Variants in PRR7 observed in about 807,000 individuals in gnomAD.
PRR7 encodes proline rich 7, synaptic.
Under a neutral mutation model 18.5 loss-of-function variants are expected in PRR7, and 8 were observed. That is an observed-to-expected ratio of 0.43 (90% CI 0.25 to 0.78). The LOEUF is 0.78. Among genes scored for constraint, PRR7 ranks in the 30% least tolerant of loss-of-function variants. The pLI is 0.22. For synonymous variants in PRR7, 221 were observed against 187.7 expected, an observed-to-expected ratio of 1.18 and a Z score of -1.45; for missense variants, 396 against 403.1, an observed-to-expected ratio of 0.98 and a Z score of 0.15.
Position 177,455,138 on chromosome 5 carries a change from T to A in PRR7, c.71T>A (p.Ile24Asn), listed in dbSNP as rs768392755. 1.9e-6 allele frequency: 3 copies of A among 1,551,444 alleles called. No individual in the cohort carries two copies. In the African/African-American group the frequency reaches 4.3e-5, roughly 22 times the overall value. ...GGCTTCTGGCTCATCTGGGGTCTCA[T>A]CGTCCTGCTCTGCTGCTTCTGCAGC... ...FAGFWLIWGL[I>N]VLLCCFCSFL... Residue 24 changes from isoleucine (I) to asparagine (N), a missense_variant, in exon 3 of 4, where the codon ATC becomes AAC. Ile to Asn is a moderately radical substitution (Grantham distance 149). Transcript: ENST00000323249. This position sits in a 1 kb window ranked among gnomAD's most constrained non-coding sequence, Gnocchi z 6.9.
intron 1 of PRR7, among the ~76,000 whole-genome samples, chr5:177,452,235 G>A: frequency 6.6e-6 from 1 of 152,224 alleles, no homozygotes; most frequent in East Asian, 1.9e-4. Context: ...AATGTGTTGG[G>A]TAGGTAGGAG....
Position 177,455,626 on chromosome 5 carries a change from CGGGCTA to C in PRR7, c.428-92_428-87del. ...ACACGGGCGGCGGCGGGCTCGGGTT[CGGGCTA>C]GGGCTGGGGCGCGGGCGGCCCCTGG... is the stretch of plus-strand genomic sequence containing the variant. On this transcript the variant is annotated intron_variant, in intron 3 of 3. Coordinates refer to ENST00000323249, the MANE Select transcript of PRR7 (RefSeq NM_030567.5). This position sits in a 1 kb window ranked among gnomAD's most constrained non-coding sequence, Gnocchi z 6.9. The C allele has an allele frequency of 7.1e-7, 1 of 1,399,290 alleles. No homozygotes were observed. Among genetic ancestry groups the C allele is most frequent in the Admixed American group, 3.1e-5 (1 of 32,394 alleles). 86.7% of individuals were successfully genotyped at this position (1,399,290 alleles called of 1,614,324 possible).
At position 177,455,514 on chromosome 5, in the gene PRR7, A is replaced by AG; in HGVS notation, c.427+25dup. 6.8e-7 allele frequency: 1 copy of AG among 1,463,270 alleles called. No individual in the cohort carries two copies. Among genetic ancestry groups the AG allele is most frequent in the Non-Finnish European group, 8.9e-7 (1 of 1,119,040 alleles). The allele number at this position is 1,463,270 out of a possible 1,614,324, so 90.6% of individuals were successfully genotyped here. On this transcript the variant is annotated intron_variant, in intron 3 of 3. Transcript: ENST00000323249. The surrounding 1 kb of genome is among the most constrained non-coding windows in gnomAD (Gnocchi z 6.9). ...GCCAAGGTGAGTACCGACCTCCGCC[A>AG]GGGGGCGATCCGGGCCGCCGGAAGT...
intron 1 of PRR7, among the ~76,000 whole-genome samples, chr5:177,452,167 C>T (rs1234635627): frequency 2.6e-5 from 4 of 152,174 alleles, no homozygotes; most frequent in African/African-American, 4.8e-5. Context: ...GGAAACAGAA[C>T]GTGAGTAATC....
intron 1 of PRR7, among the ~76,000 whole-genome samples, chr5:177,448,736 C>T (rs760635882): frequency 2.0e-5 from 3 of 152,222 alleles, no homozygotes; most frequent in Non-Finnish European, 2.9e-5. Flanking sequence ...TCCCTCCCTT[C>T]TTCACTTCCT....
At chr5:177,452,373 A>T (rs1756201022) in intron 1 of PRR7, among the ~76,000 whole-genome samples, 1 of 152,230 alleles carries the variant, frequency 6.6e-6, no homozygotes, top group South Asian at 2.1e-4. Context: ...TCACATAGTA[A>T]AGGAGCAGTA....
rs564270446 is a variant in PRR7 at position 177,450,315 on chromosome 5, C to T, written c.-325+3355C>T. On this transcript the variant is annotated intron_variant, in intron 1 of 3. Transcript: ENST00000323249. The surrounding 1 kb of genome is among the most constrained non-coding windows in gnomAD (Gnocchi z 6.6). ...GCTGCCCGGGATTTTCCATCCCCAC[C>T]CCCCAGAGCCCTGGTGTGTGCCTCC... Among the ~76,000 whole-genome samples the T allele has an allele frequency of 2.0e-5, 3 of 152,286 alleles. No individual in the cohort carries two copies. The South Asian group carries it at 6.2e-4, about 32-fold the overall frequency.
At position 177,455,444 on chromosome 5, in the gene PRR7, C is replaced by A. The variant is rs1423014584; in HGVS notation, c.377C>A (p.Pro126Gln). 1 of 1,505,834 alleles carries A rather than the reference C, an allele frequency of 6.6e-7. No individual in the cohort carries two copies. The highest frequency in any genetic ancestry group is 2.1e-5 in the Admixed American group (1 of 47,466). The allele number at this position is 1,505,834 out of a possible 1,614,324, so 93.3% of individuals were successfully genotyped here. ...HPHHHALPHP[P>Q]PTHLSVPPRP... ...CACCACCACGCGCTCCCGCACCCGC[C>A]GCCTACGCACCTGTCGGTGCCGCCA... The change falls in exon 3 of 4, where the codon CCG becomes CAG. Residue 126 changes from proline (P) to glutamine (Q), a missense_variant. Pro to Gln is a moderately conservative substitution (Grantham distance 76, BLOSUM62 -1). This residue lies in a region of PRR7 where 383 missense variants were observed against 372.6 expected (regional missense o/e 1.03). Transcript: ENST00000323249. The surrounding 1 kb of genome is among the most constrained non-coding windows in gnomAD (Gnocchi z 6.9).
chr5:177,454,733 G>A lies in PRR7; in HGVS notation c.-239-96G>A, dbSNP rs1756318960. On this transcript the variant is annotated intron_variant, in intron 2 of 3. Coordinates refer to ENST00000323249, the MANE Select transcript of PRR7 (RefSeq NM_030567.5). The surrounding 1 kb of genome is among the most constrained non-coding windows in gnomAD (Gnocchi z 4.7). ...CCGGGGAGCGCGAGGTTCCCACGGA[G>A]GAGGCTTTCCCCGGACTGCGCAGGG... The A allele has an allele frequency of 3.1e-5, 5 of 160,492 alleles. No individual in the cohort carries two copies. The Admixed American group carries it at 3.2e-4, about 10-fold the overall frequency. 9.9% of individuals were successfully genotyped at this position (160,492 alleles called of 1,614,324 possible). A position where few individuals can be genotyped will look rare whatever the true frequency, so the allele number is the denominator to read the frequency against.
chr5:177,446,270 G>T, upstream of PRR7: 1 of 152,524 alleles, frequency 6.6e-6, no homozygotes, highest in Non-Finnish European at 1.5e-5. The surrounding 1 kb of genome is among the most constrained non-coding windows in gnomAD (Gnocchi z 5.3). Flanking sequence ...GGAGGCCAGG[G>T]CTGTGGGTTC....
In PRR7 at chr5:177,450,607, G is replaced by A. The variant is rs573905081; in HGVS notation, c.-324-3349G>A. Among the ~76,000 whole-genome samples the A allele has an allele frequency of 5.3e-5, 8 of 152,336 alleles. No individual in the cohort carries two copies. The East Asian group carries it at 9.6e-4, about 18-fold the overall frequency. ...CAATTACTGGGTGCCAGCTGGTAAG[G>A]CCGATGGTGCTCGGCCCTGGCCACC... On this transcript the variant is annotated intron_variant, in intron 1 of 3. Transcript: ENST00000323249. This position sits in a 1 kb window ranked among gnomAD's most constrained non-coding sequence, Gnocchi z 6.6.
At position 177,456,172 on chromosome 5, in the gene PRR7, G is replaced by A. The variant is rs752701730; in HGVS notation, c.*51G>A. On this transcript the variant is annotated 3_prime_UTR_variant, in exon 4 of 4. Coordinates refer to ENST00000323249, the MANE Select transcript of PRR7 (RefSeq NM_030567.5). The stretch of plus-strand genomic sequence containing the variant: ...ACCGGCGGACTCCTGGCCTGACTGC[G>A]GGGCTTTTTAAATGCTTCCCTGGAC... The A allele has an allele frequency of 1.4e-6, 2 of 1,398,428 alleles. No individual in the cohort carries two copies. The highest frequency in any genetic ancestry group is 2.6e-4 in the Middle Eastern group (1 of 3,818). 86.6% of individuals were successfully genotyped at this position (1,398,428 alleles called of 1,614,324 possible).
In PRR7 at chr5:177,455,700, C is replaced by T. The variant is rs763086413; in HGVS notation, c.428-24C>T. 21 of 1,546,474 alleles carry T rather than the reference C, an allele frequency of 1.4e-5. No homozygotes were observed. The highest frequency in any genetic ancestry group is 1.7e-4 in the Middle Eastern group (1 of 5,862). On this transcript the variant is annotated intron_variant, in intron 3 of 3. Coordinates refer to ENST00000323249, the MANE Select transcript of PRR7 (RefSeq NM_030567.5). The surrounding 1 kb of genome is among the most constrained non-coding windows in gnomAD (Gnocchi z 6.9). ...GGCTGGGAACCGGCGGCCTCACCTC[C>T]TCCGACCGCCTCCCACTCCGCAGCG...
Position 177,456,130 on chromosome 5 carries a change from C to T in PRR7, c.*9C>T. The T allele has an allele frequency of 7.0e-7, 1 of 1,423,060 alleles. No homozygotes were observed. The highest frequency in any genetic ancestry group is 9.1e-7 in the Non-Finnish European group (1 of 1,096,270). The allele number at this position is 1,423,060 out of a possible 1,614,324, so 88.2% of individuals were successfully genotyped here. A position where few individuals can be genotyped will look rare whatever the true frequency, so the allele number is the denominator to read the frequency against. On this transcript the variant is annotated 3_prime_UTR_variant, in exon 4 of 4. Transcript: ENST00000323249. The stretch of plus-strand genomic sequence containing the variant: ...GGACTACAGCCGTATAGAGGGGCGC[C>T]CGGCGCCCCGGGCCCCACCGGCGGA...
intron 1 of PRR7, among the ~76,000 whole-genome samples, 160 bp downstream of exon 1, chr5:177,447,120 C>CGGAG (rs1006007101): frequency 1.3e-5 from 2 of 152,064 alleles, no homozygotes; most frequent in African/African-American, 4.8e-5. Flanking sequence ...CAGTCCACAC[C>CGGAG]GGAGGGAGGG....
rs1378600810 is a variant in PRR7 at position 177,455,981 on chromosome 5, C to T, written c.685C>T (p.Leu229Phe). 5.7e-6 allele frequency: 9 copies of T among 1,590,194 alleles called. No homozygotes were observed. The highest frequency in any genetic ancestry group is 1.7e-5 in the Admixed American group (1 of 57,862). ...TCGGCCCGCGCCGCCCTGCCCAGCC[C>T]TCTGCCTGCAGGCCGACCGTGGCCG... ...APRPAPPCPA[L>F]CLQADRGRRV... The change falls in exon 4 of 4, where the codon CTC (leucine) becomes TTC (phenylalanine). Residue 229 changes from leucine (L) to phenylalanine (F), a missense_variant. Physicochemically the swap from Leu to Phe is conservative, Grantham distance 22 (BLOSUM62 0). Coordinates refer to ENST00000323249, the MANE Select transcript of PRR7 (RefSeq NM_030567.5). The surrounding 1 kb of genome is among the most constrained non-coding windows in gnomAD (Gnocchi z 6.9).
At chr5:177,448,598 T>G (rs1756025923) in intron 1 of PRR7, among the ~76,000 whole-genome samples, 1 of 152,244 alleles carries the variant, frequency 6.6e-6, no homozygotes, top group Non-Finnish European at 1.5e-5. Context: ...CTGTAGAGCC[T>G]TCTTCCTTCA....
chr5:177,456,152 C>T lies in PRR7; in HGVS notation c.*31C>T, dbSNP rs766990835. The T allele has an allele frequency of 4.9e-6, 7 of 1,418,122 alleles. No homozygotes were observed. In the South Asian group the frequency reaches 9.1e-5, roughly 18 times the overall value. The allele number at this position is 1,418,122 out of a possible 1,614,324, so 87.8% of individuals were successfully genotyped here. ...CGCCCGGCGCCCCGGGCCCCACCGG[C>T]GGACTCCTGGCCTGACTGCGGGGCT... On this transcript the variant is annotated 3_prime_UTR_variant, in exon 4 of 4. Transcript: ENST00000323249.
Position 177,449,596 on chromosome 5 carries a change from G to A in PRR7, c.-325+2636G>A, listed in dbSNP as rs395533. 6.6e-6 allele frequency among the ~76,000 whole-genome samples: 1 copy of A among 152,316 alleles called. No individual in the cohort carries two copies. The highest frequency in any genetic ancestry group is 2.4e-5 in the African/African-American group (1 of 41,570). ...TTATTTCCATGCCAGCTGCGGGGATGAAGGCACAGAGAGCCACAGGCTGAG... is the reference window on the plus strand; with the variant it reads ...TTATTTCCATGCCAGCTGCGGGGATAAAGGCACAGAGAGCCACAGGCTGAG... On this transcript the variant is annotated intron_variant, in intron 1 of 3. Transcript: ENST00000323249. The surrounding 1 kb of genome is among the most constrained non-coding windows in gnomAD (Gnocchi z 4.2).
Sources: gnomAD v4.1 joint callset for allele counts (sites outside exome capture counted in the v4.1 genomes callset) on GRCh38, gnomAD v4.1.1 for gene constraint, gnomAD v4.1.1 regional missense constraint, Gnocchi (gnomAD v3.1) non-coding constraint, MANE v1.5 for transcripts, NCBI Gene and HGNC (gene_info 2026-07-23, HGNC 2026-07-21) for gene names.